PDE1C: variants seen among roughly 807,000 people sequenced by gnomAD.
PDE1C encodes the protein dual specificity calcium/calmodulin-dependent 3',5'-cyclic nucleotide phosphodiesterase 1C.
PDE1C carries 62 observed loss-of-function variants against 93.1 expected under a neutral mutation model. That is an observed-to-expected ratio of 0.67 (90% confidence interval 0.54 to 0.82). The LOEUF (loss-of-function observed/expected upper bound fraction) is 0.82. Among genes scored for constraint, PDE1C ranks in the 40% least tolerant of loss-of-function variants. PDE1C has a pLI of 0.00. For synonymous variants in PDE1C, 325 were observed against 310.1 expected, an observed-to-expected ratio of 1.05 and a Z score of -0.50; for missense variants, 742 against 884.6, an observed-to-expected ratio of 0.84 and a Z score of 2.04.
At chr7:32,191,347 C>A (rs374270200) in intron 2 of PDE1C, among the ~76,000 whole-genome samples, 27,022 of 152,046 alleles carry the variant, frequency 0.18, 2,727 homozygotes, top group South Asian at 0.28. Context: ...ACAAAGATCC[C>A]TCATGTTATC....
chr7:31,659,391 G>T, the PDE1C span, among the ~76,000 whole-genome samples: 12 of 152,158 alleles, frequency 7.9e-5, no homozygotes, highest in East Asian at 2.3e-3. Flanking sequence ...TCCTGCCTGG[G>T]GCAGCAGCAG....
intron 3 of PDE1C, among the ~76,000 whole-genome samples, chr7:32,101,456 T>C (rs1798031949): frequency 6.6e-6 from 1 of 152,150 alleles, no homozygotes; most frequent in Non-Finnish European, 1.5e-5. Flanking sequence ...TGGGAGGTTT[T>C]TGGGTCATGG....
intron 3 of PDE1C, among the ~76,000 whole-genome samples, chr7:32,168,815 A>G (rs1252722465): frequency 1.3e-5 from 2 of 152,154 alleles, no homozygotes; most frequent in East Asian, 1.9e-4. Context: ...TCTTCACACA[A>G]TGAAATGGCT....
the PDE1C span, chr7:31,697,234 G>T: frequency 1.5e-6 from 2 of 1,315,058 alleles, no homozygotes; most frequent in Non-Finnish European, 2.1e-6. Context: ...GCGTTGTCCT[G>T]AAGTGCTCTG....
At chr7:31,760,759 TAC>T (rs10573498) in intron 17 of PDE1C, among the ~76,000 whole-genome samples, 25,667 of 148,514 alleles carry the variant, frequency 0.17, 2,291 homozygotes, top group East Asian at 0.22. Context: ...CTGCAATGTG[TAC>T]ACACACACAC....
At chr7:31,617,177 C>A in the PDE1C span, among the ~76,000 whole-genome samples, 1 of 152,050 alleles carries the variant, frequency 6.6e-6, no homozygotes, top group African/African-American at 2.4e-5. Flanking sequence ...GGAAGAAAAG[C>A]CTGGAGAAGG....
chr7:32,364,171 C>T (rs1341489678), intron 1 of PDE1C, among the ~76,000 whole-genome samples: 4 of 152,170 alleles, frequency 2.6e-5, no homozygotes, highest in Non-Finnish European at 5.9e-5. Context: ...ATTGAGGTTT[C>T]CATATCCTGT....
the PDE1C span, among the ~76,000 whole-genome samples, chr7:31,618,475 A>ATATTTCTTTCCTGATCCGAAGGGAG: frequency 6.6e-6 from 1 of 152,108 alleles, no homozygotes; most frequent in Admixed American, 6.5e-5. Context: ...CAAGAAGGGA[A>ATATTTCTTTCCTGATCCGAAGGGAG]ATATTTCTTT....
intron 3 of PDE1C, among the ~76,000 whole-genome samples, chr7:32,162,236 C>T (rs1333567904): frequency 6.6e-6 from 1 of 152,082 alleles, no homozygotes; most frequent in Non-Finnish European, 1.5e-5. Context: ...TGTTCCCTCC[C>T]ACTAGAGCCC....
intron 1 of PDE1C, among the ~76,000 whole-genome samples, chr7:32,273,382 T>C (rs772681826): frequency 6.6e-6 from 1 of 152,210 alleles, no homozygotes; most frequent in Non-Finnish European, 1.5e-5. Flanking sequence ...GCAAATGTAT[T>C]AACATAAACC....
chr7:31,839,551 G>A (rs1007276476), intron 9 of PDE1C, among the ~76,000 whole-genome samples: 1 of 152,054 alleles, frequency 6.6e-6, no homozygotes, highest in African/African-American at 2.4e-5. Context: ...TATCATATGA[G>A]CATACCACAG....
At chr7:31,998,101 T>C (rs369225718) in intron 2 of PDE1C, among the ~76,000 whole-genome samples, 4 of 152,176 alleles carry the variant, frequency 2.6e-5, no homozygotes, top group East Asian at 3.9e-4. Context: ...CTCACTGCAA[T>C]CTCTGCCTCC....
intron 2 of PDE1C, among the ~76,000 whole-genome samples, chr7:31,897,859 T>C (rs73690327): frequency 6.6e-6 from 1 of 152,162 alleles, no homozygotes; most frequent in African/African-American, 2.4e-5. Flanking sequence ...TGGGTTTTTT[T>C]AAATATATAT....
chr7:31,904,480 TA>T (rs59608294), intron 2 of PDE1C, among the ~76,000 whole-genome samples: 64,564 of 150,158 alleles, frequency 0.43, 15,524 homozygotes, highest in Non-Finnish European at 0.54. Context: ...TCCACTCACT[TA>T]AAAAAAAAAA....
At chr7:32,174,478 G>A (rs770813927) in intron 2 of PDE1C, among the ~76,000 whole-genome samples, 3 of 151,918 alleles carry the variant, frequency 2.0e-5, no homozygotes, top group Non-Finnish European at 4.4e-5. Context: ...ACATGACATC[G>A]GATATGGTCT....
At chr7:31,642,891 G>C in the PDE1C span, 1 of 1,614,024 alleles carries the variant, frequency 6.2e-7, no homozygotes, top group Non-Finnish European at 8.5e-7. Context: ...AAGAGTTTCT[G>C]CTTGAGGCCA....
rs1281667007 is a variant in PDE1C at position 31,903,498 on chromosome 7, A to ATAC, written c.129-22639_129-22638insGTA. On this transcript the variant is annotated intron_variant, in intron 2 of 17. Transcript: ENST00000396191. ...CTAAAGAACCAACTTTTCATACATC[A>ATAC]GTACCCTGGTGAATTGTAAATGTCA... Among the ~76,000 whole-genome samples, 23 of 152,082 alleles carry ATAC rather than the reference A, an allele frequency of 1.5e-4. 1 individual carries two copies. Among genetic ancestry groups the ATAC allele is most frequent in the Non-Finnish European group, 4.4e-5 (3 of 67,962 alleles).
At chr7:32,206,815 T>C (rs1805592687) in intron 2 of PDE1C, among the ~76,000 whole-genome samples, 1 of 152,210 alleles carries the variant, frequency 6.6e-6, no homozygotes, top group Non-Finnish European at 1.5e-5. Context: ...TCTCAAACCA[T>C]CTGCTGGTTG....
At chr7:32,316,458 C>G (rs565663546) in intron 1 of PDE1C, among the ~76,000 whole-genome samples, 2 of 152,270 alleles carry the variant, frequency 1.3e-5, no homozygotes, top group East Asian at 1.9e-4. Context: ...CACCAGCATG[C>G]GATACCTTGT....
Sources: allele counts gnomAD v4.1 joint callset (sites outside exome capture counted in the v4.1 genomes callset), GRCh38; gene constraint gnomAD v4.1.1; transcripts MANE v1.5; gene names NCBI Gene and HGNC (gene_info 2026-07-23, HGNC 2026-07-21).